Variants in ACBD6 observed in about 807,000 individuals in gnomAD.
ACBD6 encodes acyl-CoA binding domain containing 6, also known as acyl-CoA-binding domain-containing protein 6.
ACBD6 carries 28 observed loss-of-function variants against 37.2 expected under a neutral mutation model. The observed-to-expected ratio is 0.75, with a 90% CI of 0.56 to 1.03. The LOEUF (loss-of-function observed/expected upper bound fraction) is 1.03, where lower values mean the gene tolerates loss of function less well. Ranked by LOEUF, ACBD6 falls within the 50% of genes least tolerant of loss-of-function variation. The probability of loss-of-function intolerance (pLI) is 0.00; values close to 1 mark genes in which losing one functional copy is unlikely to be tolerated. For synonymous variants in ACBD6, 113 were observed against 126.8 expected, an observed-to-expected ratio of 0.89 and a Z score of 0.73; for missense variants, 340 against 337.4, an observed-to-expected ratio of 1.01 and a Z score of -0.06.
chr1:180,320,098 C>T (rs565465283), intron 6 of ACBD6, among the ~76,000 whole-genome samples: 15 of 152,298 alleles, frequency 9.8e-5, no homozygotes, highest in Non-Finnish European at 1.6e-4. Context: ...TCCATAGTGG[C>T]TGTACTAATT....
chr1:180,384,964 G>A (rs1653795322), intron 6 of ACBD6, among the ~76,000 whole-genome samples: 1 of 152,040 alleles, frequency 6.6e-6, no homozygotes, highest in Non-Finnish European at 1.5e-5. Flanking sequence ...TCTCATGAAG[G>A]TAGTGGGTAG....
At chr1:180,339,530 G>C (rs1363429161) in intron 6 of ACBD6, among the ~76,000 whole-genome samples, 2 of 16,570 alleles carry the variant, frequency 1.2e-4, no homozygotes, top group East Asian at 6.5e-3. Context: ...GGGGCCTGTT[G>C]TAGGGTGGAA....
chr1:180,452,427 T>C (rs1244007905), intron 3 of ACBD6, among the ~76,000 whole-genome samples: 3 of 152,022 alleles, frequency 2.0e-5, no homozygotes, highest in East Asian at 1.9e-4. Context: ...GCCGAGATCA[T>C]GCCACTGTAC....
At chr1:180,299,714 G>A (rs547740426) in intron 7 of ACBD6, among the ~76,000 whole-genome samples, 27 of 152,048 alleles carry the variant, frequency 1.8e-4, no homozygotes, top group Non-Finnish European at 3.1e-4. Context: ...ATGACTGCAC[G>A]TGCAAGGAAA....
chr1:180,376,756 G>A (rs1222567570), intron 6 of ACBD6, among the ~76,000 whole-genome samples: 6 of 152,062 alleles, frequency 3.9e-5, no homozygotes, highest in Non-Finnish European at 5.9e-5. Flanking sequence ...TAGCAGGAAC[G>A]GGGGAAAAAT....
intron 6 of ACBD6, among the ~76,000 whole-genome samples, chr1:180,382,114 C>CAA (rs59973107): frequency 0.021 from 2,305 of 112,130 alleles, 62 homozygotes; most frequent in African/African-American, 0.065. Context: ...GACTGCATCT[C>CAA]AAAAAAAAAA....
intron 6 of ACBD6, among the ~76,000 whole-genome samples, chr1:180,366,255 A>G (rs1653050613): frequency 6.6e-6 from 1 of 152,190 alleles, no homozygotes; most frequent in South Asian, 2.1e-4. Context: ...AAAAATTGAA[A>G]GAATTACAGA....
chr1:180,373,820 A>G (rs1286160329), intron 6 of ACBD6, among the ~76,000 whole-genome samples: 1 of 152,176 alleles, frequency 6.6e-6, no homozygotes, highest in East Asian at 1.9e-4. Flanking sequence ...TGAAATTATA[A>G]AATTTTTAGA....
chr1:180,326,494 G>A (rs981818439), intron 6 of ACBD6: 2 of 152,476 alleles, frequency 1.3e-5, no homozygotes, highest in Admixed American at 6.5e-5. Flanking sequence ...CTGTCCAAGA[G>A]CCTAGGCATG....
chr1:180,428,946 GCTAA>G, intron 4 of ACBD6, among the ~76,000 whole-genome samples: 1 of 152,224 alleles, frequency 6.6e-6, no homozygotes, highest in South Asian at 2.1e-4. Context: ...GGGCTCTTAG[GCTAA>G]CTCTACATAA....
chr1:180,283,254 C>T (rs1375808147), downstream of ACBD6, among the ~76,000 whole-genome samples: 2 of 152,040 alleles, frequency 1.3e-5, no homozygotes, highest in African/African-American at 2.4e-5. Flanking sequence ...GCTTTTAGTG[C>T]GTATAAATGT....
chr1:180,403,123 C>T lies in ACBD6; in HGVS notation c.574-5518G>A, dbSNP rs142082564. Among the ~76,000 whole-genome samples the T allele has an allele frequency of 2.7e-4, 41 of 152,130 alleles. 3 individuals carry two copies. The highest frequency in any genetic ancestry group is 1.4e-3 in the East Asian group (7 of 5,176). On this transcript the variant is annotated intron_variant, in intron 5 of 7. Transcript: ENST00000367595. ...TGTATAATCCCATATATATAAAGTT[C>T]GAGAACAAGCAGAACTTATCTATGG... is the stretch of plus-strand genomic sequence containing the variant.
chr1:180,345,887 G>A (rs562623601), intron 6 of ACBD6, among the ~76,000 whole-genome samples: 8 of 152,046 alleles, frequency 5.3e-5, no homozygotes, highest in East Asian at 3.9e-4. Flanking sequence ...ATGAACAAGT[G>A]CTATCTTTGT....
chr1:180,364,824 C>G (rs1251855654), intron 6 of ACBD6, among the ~76,000 whole-genome samples: 1 of 150,914 alleles, frequency 6.6e-6, no homozygotes, highest in African/African-American at 2.4e-5. Context: ...ACCTCTGCCT[C>G]CTGGGTTCAA....
chr1:180,430,102 C>T (rs1648753635), intron 4 of ACBD6, 78 bp downstream of exon 4: 2 of 1,218,566 alleles, frequency 1.6e-6, no homozygotes, highest in East Asian at 4.7e-5. Flanking sequence ...TATACACATA[C>T]ATAAGCACAT....
intron 12 of ACBD6, chr1:180,273,279 TC>T (rs1305949968): frequency 1.3e-5 from 2 of 152,298 alleles, no homozygotes; most frequent in African/African-American, 4.8e-5. Flanking sequence ...GAGGGCAGCC[TC>T]CTCTGAGAAC....
At chr1:180,477,489 G>A (rs900858024) in intron 3 of ACBD6, among the ~76,000 whole-genome samples, 12 of 152,026 alleles carry the variant, frequency 7.9e-5, no homozygotes, top group African/African-American at 2.9e-4. Flanking sequence ...ACCTCTATAT[G>A]GAGGTTAATA....
chr1:180,307,287 T>G (rs1650418941), intron 7 of ACBD6, among the ~76,000 whole-genome samples: 1 of 152,180 alleles, frequency 6.6e-6, no homozygotes, highest in Admixed American at 6.5e-5. Context: ...CTCACTTATT[T>G]GTGGGGGCTA....
chr1:180,452,955 C>T (rs778920487), intron 3 of ACBD6, among the ~76,000 whole-genome samples: 5 of 152,082 alleles, frequency 3.3e-5, no homozygotes, highest in Admixed American at 6.5e-5. Context: ...CAGAACCAGA[C>T]GGATTCACAG....
Sources: allele counts gnomAD v4.1 joint callset (sites outside exome capture counted in the v4.1 genomes callset), GRCh38; gene constraint gnomAD v4.1.1; transcripts MANE v1.5; gene names NCBI Gene and HGNC (gene_info 2026-07-23, HGNC 2026-07-21).